Variants in CCDC171 observed in about 807,000 individuals in gnomAD.
CCDC171 encodes coiled-coil domain-containing protein 171.
A neutral mutation model predicts 168.2 loss-of-function variants in CCDC171; 177 were observed. The observed-to-expected ratio is 1.05, with a 90% CI of 0.93 to 1.19. CCDC171 has a LOEUF of 1.19. Among genes scored for constraint, CCDC171 ranks in the 50% most tolerant of loss-of-function variants. The probability of loss-of-function intolerance (pLI) is 0.00; values close to 1 mark genes in which losing one functional copy is unlikely to be tolerated. For synonymous variants in CCDC171, 687 were observed against 540.8 expected (o/e 1.27, Z -3.75); for missense variants, 1,991 against 1,539.0 (o/e 1.29, Z -4.91).
chr9:15,581,635 C>A (rs2041127174), intron 4 of CCDC171, among the ~76,000 whole-genome samples: 1 of 152,064 alleles, frequency 6.6e-6, no homozygotes, highest in African/African-American at 2.4e-5. Context: ...CAGACATCTA[C>A]AACCATGTGA....
At chr9:15,816,130 G>T (rs1218700362) in intron 21 of CCDC171, among the ~76,000 whole-genome samples, 1 of 117,034 alleles carries the variant, frequency 8.5e-6, no homozygotes, top group Non-Finnish European at 1.9e-5. Flanking sequence ...CAAAGTGTAT[G>T]TTCTCATACA....
At chr9:15,906,178 C>G (rs1439763580) in intron 24 of CCDC171, among the ~76,000 whole-genome samples, 1 of 152,166 alleles carries the variant, frequency 6.6e-6, no homozygotes, top group Non-Finnish European at 1.5e-5. Flanking sequence ...TTTTATGAGG[C>G]CAGCATCATC....
chr9:15,823,105 T>C, intron 21 of CCDC171, among the ~76,000 whole-genome samples: 1 of 152,114 alleles, frequency 6.6e-6, no homozygotes, highest in East Asian at 1.9e-4. Context: ...AAACACTGCA[T>C]GTTCTCACTC....
At chr9:15,937,222 A>C (rs1190175981) in intron 25 of CCDC171, among the ~76,000 whole-genome samples, 10 of 152,020 alleles carry the variant, frequency 6.6e-5, no homozygotes, top group African/African-American at 2.4e-4. Context: ...AATTTTTTTC[A>C]ACATGGGAAA....
chr9:15,637,222 C>T (rs556163253), intron 7 of CCDC171, among the ~76,000 whole-genome samples: 3 of 152,272 alleles, frequency 2.0e-5, no homozygotes, highest in East Asian at 1.9e-4. Flanking sequence ...TGCCACTGCA[C>T]TCCAGCCTGG....
chr9:16,035,551 T>G (rs978310869), intron 7 of CCDC171: 1 of 152,174 alleles, frequency 6.6e-6, no homozygotes, highest in African/African-American at 2.4e-5. Flanking sequence ...CAAAATCCAC[T>G]CCAAGTTCCA....
At chr9:16,069,102 G>C in the CCDC171 span, among the ~76,000 whole-genome samples, 4 of 152,154 alleles carry the variant, frequency 2.6e-5, no homozygotes, top group Non-Finnish European at 5.9e-5. Flanking sequence ...TAAGTGACTT[G>C]GCCACTCCCT....
chr9:16,006,010 C>A (rs1051140196), intron 3 of CCDC171, among the ~76,000 whole-genome samples: 2 of 152,042 alleles, frequency 1.3e-5, no homozygotes, highest in Non-Finnish European at 2.9e-5. Context: ...CAGGCATGCA[C>A]CACTACGCCT....
chr9:15,915,716 T>A (rs2131912094), intron 24 of CCDC171, among the ~76,000 whole-genome samples: 1 of 152,286 alleles, frequency 6.6e-6, no homozygotes, highest in African/African-American at 2.4e-5. Flanking sequence ...GCTTTCAACT[T>A]TTCTTCATTA....
intron 16 of CCDC171, among the ~76,000 whole-genome samples, chr9:15,735,117 G>T (rs1443072559): frequency 6.6e-6 from 1 of 152,208 alleles, no homozygotes; most frequent in Non-Finnish European, 1.5e-5. Context: ...TAATGTCGAA[G>T]CTTTAAAACA....
chr9:15,982,940 A>G (rs1247828522), intron 3 of CCDC171, among the ~76,000 whole-genome samples: 2 of 152,170 alleles, frequency 1.3e-5, no homozygotes, highest in African/African-American at 4.8e-5. Flanking sequence ...AATAATGGGC[A>G]TCTCCAGAAA....
At chr9:16,072,674 A>C in the CCDC171 span, among the ~76,000 whole-genome samples, 9 of 152,086 alleles carry the variant, frequency 5.9e-5, no homozygotes, top group African/African-American at 2.2e-4. Flanking sequence ...CATCGTGATC[A>C]AGAACCACTG....
intron 23 of CCDC171, among the ~76,000 whole-genome samples, chr9:15,873,866 TAAA>T (rs1817505208): frequency 6.6e-6 from 1 of 152,142 alleles, no homozygotes; most frequent in African/African-American, 2.4e-5. Flanking sequence ...TCTGAATACT[TAAA>T]ATAGAGTACA....
intron 6 of CCDC171, among the ~76,000 whole-genome samples, chr9:15,619,122 G>T (rs181720784): frequency 1.7e-4 from 26 of 151,984 alleles, no homozygotes; most frequent in African/African-American, 5.3e-4. Flanking sequence ...CCTCTCGTCT[G>T]GCCTTCCTAC....
chr9:15,918,308 A>G (rs1410615461), intron 24 of CCDC171, among the ~76,000 whole-genome samples: 2 of 149,120 alleles, frequency 1.3e-5, no homozygotes, highest in African/African-American at 4.9e-5. Context: ...GCCTTACAAC[A>G]GTTTTGGAAG....
Position 16,054,631 on chromosome 9 carries a change from C to G in CCDC171, n.90-6015C>G, listed in dbSNP as rs564489209. On this transcript the variant is annotated intron_variant and non_coding_transcript_variant, in intron 1 of 1. Coordinates refer to the CCDC171 transcript ENST00000478913. ...CCAGGGGGAGGACTTAACATGGAAA[C>G]TGCCGGCTTCAAGGTTCAAAAAATA... 5.9e-5 allele frequency among the ~76,000 whole-genome samples: 9 copies of G among 152,314 alleles called. No individual in the cohort carries two copies. The South Asian group carries it at 1.9e-3, about 32-fold the overall frequency.
intron 25 of CCDC171, among the ~76,000 whole-genome samples, chr9:15,964,704 C>T (rs1021577302): frequency 6.6e-6 from 1 of 152,158 alleles, no homozygotes; most frequent in Non-Finnish European, 1.5e-5. Flanking sequence ...TCTTGTCAGG[C>T]ACAAGGTATC....
intron 24 of CCDC171, among the ~76,000 whole-genome samples, chr9:15,892,897 A>G (rs150431806): frequency 6.5e-4 from 99 of 152,248 alleles, no homozygotes; most frequent in African/African-American, 2.2e-3. Flanking sequence ...TTACCATTAA[A>G]CTACCATTGA....
chr9:15,867,963 C>G (rs1400333884), intron 23 of CCDC171, among the ~76,000 whole-genome samples: 1 of 151,962 alleles, frequency 6.6e-6, no homozygotes, highest in Non-Finnish European at 1.5e-5. Flanking sequence ...ATAAGATGTC[C>G]ATGATTAAAT....
Sources: allele counts gnomAD v4.1 joint callset (sites outside exome capture counted in the v4.1 genomes callset), GRCh38; gene constraint gnomAD v4.1.1; transcripts MANE v1.5; gene names NCBI Gene and HGNC (gene_info 2026-07-23, HGNC 2026-07-21).